The following LRRC4C variants were observed in gnomAD, a reference collection of about 807,000 sequenced individuals.
LRRC4C encodes leucine rich repeat containing 4C, also known as leucine-rich repeat-containing protein 4C.
A neutral mutation model predicts 33.6 loss-of-function variants in LRRC4C; 5 were observed. The observed-to-expected ratio is 0.15, with a 90% CI of 0.08 to 0.31. The LOEUF is 0.31. LRRC4C is among the 10% of genes least tolerant of loss of function. LRRC4C has a pLI of 1.00. For missense variants in LRRC4C, 560 were observed against 796.7 expected, an observed-to-expected ratio of 0.70 and a Z score of 3.58; for synonymous variants, 329 against 302.0, an observed-to-expected ratio of 1.09 and a Z score of -0.93.
At chr11:40,580,927 A>C (rs940706432) in intron 3 of LRRC4C, among the ~76,000 whole-genome samples, 4 of 152,276 alleles carry the variant, frequency 2.6e-5, no homozygotes, top group African/African-American at 7.2e-5. Flanking sequence ...TTTGGTTAAA[A>C]TGAATGATTT....
chr11:40,659,009 T>A (rs1330338438), intron 2 of LRRC4C, among the ~76,000 whole-genome samples: 5 of 152,134 alleles, frequency 3.3e-5, no homozygotes, highest in Non-Finnish European at 7.4e-5. Context: ...GAGCCCCATG[T>A]TCCCTGGCAC....
chr11:40,401,774 T>C (rs1949769757), intron 3 of LRRC4C, among the ~76,000 whole-genome samples: 3 of 152,126 alleles, frequency 2.0e-5, no homozygotes, highest in Admixed American at 6.6e-5. Context: ...CTTTAGTATA[T>C]GAGGATGCTG....
chr11:40,206,595 AT>A (rs1321390460), intron 5 of LRRC4C, among the ~76,000 whole-genome samples: 1 of 152,164 alleles, frequency 6.6e-6, no homozygotes, highest in African/African-American at 2.4e-5. Context: ...ATGTGGAAAA[AT>A]AATCCCTCCT....
intron 1 of LRRC4C, among the ~76,000 whole-genome samples, chr11:41,401,182 T>C (rs1459433840): frequency 9.9e-5 from 15 of 151,930 alleles, no homozygotes; most frequent in Admixed American, 9.9e-4. Flanking sequence ...CTGTACTATT[T>C]ACTAAAGTAA....
At chr11:40,546,656 T>C (rs1956937470) in intron 3 of LRRC4C, among the ~76,000 whole-genome samples, 1 of 152,064 alleles carries the variant, frequency 6.6e-6, no homozygotes, top group Non-Finnish European at 1.5e-5. Context: ...CTTGCTAAAA[T>C]GGAGAAATAA....
At chr11:40,630,758 C>A (rs991720928) in intron 3 of LRRC4C, among the ~76,000 whole-genome samples, 2 of 152,196 alleles carry the variant, frequency 1.3e-5, no homozygotes, top group Admixed American at 1.3e-4. Flanking sequence ...GCTTGCTTTT[C>A]AAAATTTAAA....
chr11:41,373,026 A>T (rs1421396231), intron 1 of LRRC4C, among the ~76,000 whole-genome samples: 2 of 152,144 alleles, frequency 1.3e-5, no homozygotes, highest in Admixed American at 6.6e-5. Flanking sequence ...AGCTATGACT[A>T]TTCTAACACA....
At chr11:41,170,331 A>T (rs921013485) in intron 1 of LRRC4C, among the ~76,000 whole-genome samples, 1 of 152,198 alleles carries the variant, frequency 6.6e-6, no homozygotes, top group East Asian at 1.9e-4. Context: ...AGCTGGAGGC[A>T]TCACGCTACC....
At chr11:41,384,773 A>G (rs562017475) in intron 1 of LRRC4C, among the ~76,000 whole-genome samples, 1 of 150,374 alleles carries the variant, frequency 6.7e-6, no homozygotes, top group East Asian at 2.1e-4. Flanking sequence ...ATTGTTATTA[A>G]ACTGTTGCAT....
chr11:40,154,546 G>C (rs530002480), intron 5 of LRRC4C, among the ~76,000 whole-genome samples: 24 of 152,208 alleles, frequency 1.6e-4, no homozygotes, highest in African/African-American at 5.3e-4. Context: ...AGTGAGCCAG[G>C]GTAGTTATTC....
intron 3 of LRRC4C, among the ~76,000 whole-genome samples, chr11:40,503,917 C>G (rs1467818272): frequency 1.3e-5 from 2 of 152,096 alleles, no homozygotes; most frequent in Non-Finnish European, 2.9e-5. Flanking sequence ...AGTATACTAT[C>G]TACCTGGTCA....
chr11:40,449,354 A>T (rs1239967743), intron 3 of LRRC4C, among the ~76,000 whole-genome samples: 1 of 151,908 alleles, frequency 6.6e-6, no homozygotes, highest in Non-Finnish European at 1.5e-5. Flanking sequence ...GCAAAAAAAA[A>T]AAAATCAACT....
At chr11:40,552,309 A>G (rs1957155923) in intron 3 of LRRC4C, among the ~76,000 whole-genome samples, 1 of 152,200 alleles carries the variant, frequency 6.6e-6, no homozygotes, top group African/African-American at 2.4e-5. Flanking sequence ...AGGTTAAGGA[A>G]CTGGCTTGAG....
intron 5 of LRRC4C, among the ~76,000 whole-genome samples, chr11:40,234,835 C>T (rs1387759076): frequency 1.3e-5 from 2 of 152,172 alleles, no homozygotes; most frequent in African/African-American, 4.8e-5. Context: ...TAGCACATCC[C>T]TAGTTTCTAT....
intron 1 of LRRC4C, among the ~76,000 whole-genome samples, chr11:41,370,545 AT>A (rs1442885888): frequency 1.3e-5 from 2 of 151,312 alleles, no homozygotes; most frequent in Non-Finnish European, 2.9e-5. Context: ...TTTCTTCCTC[AT>A]TTTCTCTTGC....
At chr11:40,452,629 C>T (rs1951941253) in intron 3 of LRRC4C, among the ~76,000 whole-genome samples, 1 of 152,132 alleles carries the variant, frequency 6.6e-6, no homozygotes, top group African/African-American at 2.4e-5. Context: ...GTGTCGATTC[C>T]TCAGGGATCT....
At chr11:41,158,561 G>A (rs1280658895) in intron 1 of LRRC4C, among the ~76,000 whole-genome samples, 1 of 152,066 alleles carries the variant, frequency 6.6e-6, no homozygotes, top group Non-Finnish European at 1.5e-5. Context: ...AGGAAGAAAA[G>A]GCAACATACC....
chr11:41,432,189 T>C (rs925075839), intron 1 of LRRC4C, among the ~76,000 whole-genome samples: 14 of 152,212 alleles, frequency 9.2e-5, no homozygotes, highest in African/African-American at 3.1e-4. Flanking sequence ...CCTACCCATC[T>C]ATGGGTATTG....
chr11:40,230,673 A>C (rs1225909059), intron 5 of LRRC4C, among the ~76,000 whole-genome samples: 1 of 152,224 alleles, frequency 6.6e-6, no homozygotes, highest in Non-Finnish European at 1.5e-5. Flanking sequence ...ATTGCCAAAA[A>C]TCCGATGGAA....
Sources: allele counts gnomAD v4.1 joint callset (sites outside exome capture counted in the v4.1 genomes callset), GRCh38; gene constraint gnomAD v4.1.1; transcripts MANE v1.5; gene names NCBI Gene and HGNC (gene_info 2026-07-23, HGNC 2026-07-21).